The following FKBP15 variants were observed in gnomAD, a reference collection of about 807,000 sequenced individuals.
The protein encoded by FKBP15 is FK506-binding protein 15.
In FKBP15, 106 loss-of-function variants were observed where a neutral mutation model predicts 158.1. The ratio of observed to expected loss-of-function variants is 0.67; its 90% CI spans 0.57 to 0.79. The LOEUF is 0.79. FKBP15 is among the 30% of genes least tolerant of loss of function. The pLI, the probability that FKBP15 is intolerant of heterozygous loss-of-function variation, is 0.00. For synonymous variants in FKBP15, 547 were observed against 548.6 expected, an observed-to-expected ratio of 1.00 and a Z score of 0.04; for missense variants, 1,287 against 1,479.1, an observed-to-expected ratio of 0.87 and a Z score of 2.13.
chr9:113,165,786 G>A lies in FKBP15; in HGVS notation c.*292C>T, dbSNP rs1830088540. On this transcript the variant is annotated 3_prime_UTR_variant, in exon 28 of 28. Coordinates refer to ENST00000238256, the MANE Select transcript of FKBP15 (RefSeq NM_015258.2). ...AGTTAATGAAGAGATTAAAAAGTCTGGCAGAGGACAGGACTCTTACAGGTG... is the reference window on the plus strand; with the variant it reads ...AGTTAATGAAGAGATTAAAAAGTCTAGCAGAGGACAGGACTCTTACAGGTG... The A allele has an allele frequency of 9.7e-6, 3 of 308,102 alleles. No individual in the cohort carries two copies. In the East Asian group the frequency reaches 1.9e-4, roughly 20 times the overall value. 19.1% of individuals were successfully genotyped at this position (308,102 alleles called of 1,614,324 possible).
intron 1 of FKBP15, among the ~76,000 whole-genome samples, chr9:113,216,433 T>C (rs1227066281): frequency 1.3e-5 from 2 of 152,234 alleles, no homozygotes; most frequent in East Asian, 3.8e-4. Flanking sequence ...CAGAAATGCC[T>C]ACTGTAAAGG....
chr9:113,185,418 C>T (rs1031251039), intron 15 of FKBP15, among the ~76,000 whole-genome samples: 3 of 152,104 alleles, frequency 2.0e-5, no homozygotes, highest in Non-Finnish European at 4.4e-5. Flanking sequence ...GATGAAAAAG[C>T]GTATCCCAGA....
chr9:113,193,617 G>A, intron 10 of FKBP15, 68 bp from the exon 11 acceptor site: 1 of 1,294,286 alleles, frequency 7.7e-7, no homozygotes, highest in Non-Finnish European at 1.1e-6. Context: ...AAATTATATT[G>A]GATAAGCAAA....
At position 113,184,483 on chromosome 9, in the gene FKBP15, AG is replaced by A; in HGVS notation, c.1609-85del. 1 of 1,172,818 alleles carries A rather than the reference AG, an allele frequency of 8.5e-7. No individual in the cohort carries two copies. Among genetic ancestry groups the A allele is most frequent in the East Asian group, 2.5e-5 (1 of 39,252 alleles). 72.7% of individuals were successfully genotyped at this position (1,172,818 alleles called of 1,614,324 possible). ...TACCCAAGATTTGACCCTGTTGTTA[AG>A]GGGGTTAATGAGTTCCTGGGACAAT... is the stretch of plus-strand genomic sequence containing the variant. On this transcript the variant is annotated intron_variant, in intron 16 of 27. Coordinates refer to ENST00000238256, the MANE Select transcript of FKBP15 (RefSeq NM_015258.2). The surrounding 1 kb of genome is among the most constrained non-coding windows in gnomAD (Gnocchi z 4.5).
At chr9:113,217,400 C>T (rs570618744) in intron 1 of FKBP15, among the ~76,000 whole-genome samples, 5 of 149,986 alleles carry the variant, frequency 3.3e-5, no homozygotes, top group Admixed American at 6.7e-5. Flanking sequence ...TTTGTAGAGA[C>T]GGGGTTTCAT....
At chr9:113,218,229 G>A (rs578115191) in intron 1 of FKBP15, among the ~76,000 whole-genome samples, 79 of 151,978 alleles carry the variant, frequency 5.2e-4, no homozygotes, top group Non-Finnish European at 9.1e-4. Context: ...ACATAGGCAG[G>A]TCTGGTAGAA....
intron 1 of FKBP15, among the ~76,000 whole-genome samples, chr9:113,215,598 ATG>A (rs1264875262): frequency 7.3e-6 from 1 of 136,320 alleles, no homozygotes; most frequent in African/African-American, 2.7e-5. Context: ...GTGAATATAT[ATG>A]TGTGCGTGTG....
At chr9:113,217,831 A>G (rs1480135727) in intron 1 of FKBP15, among the ~76,000 whole-genome samples, 1 of 151,970 alleles carries the variant, frequency 6.6e-6, no homozygotes, top group Non-Finnish European at 1.5e-5. Flanking sequence ...ACAGAGAAAA[A>G]CCCTGTCTCA....
intron 1 of FKBP15, among the ~76,000 whole-genome samples, chr9:113,219,505 C>T (rs1158670988): frequency 3.3e-5 from 5 of 152,128 alleles, no homozygotes; most frequent in Non-Finnish European, 7.4e-5. Context: ...CTGTGGGGAA[C>T]AAAAATAAAC....
At chr9:113,180,443 C>T (rs530629050) in intron 19 of FKBP15, among the ~76,000 whole-genome samples, 16 of 148,034 alleles carry the variant, frequency 1.1e-4, no homozygotes, top group South Asian at 2.1e-4. Flanking sequence ...TATAGGTGTA[C>T]TTATAATTTT....
At chr9:113,190,635 C>G in intron 11 of FKBP15, 57 bp from the exon 12 acceptor site, 1 of 1,296,680 alleles carries the variant, frequency 7.7e-7, no homozygotes, top group Non-Finnish European at 1.1e-6. Context: ...CACCTTCAGG[C>G]AGCTCTATCC....
intron 20 of FKBP15, among the ~76,000 whole-genome samples, chr9:113,177,994 T>A (rs191945193): frequency 1.7e-3 from 265 of 152,238 alleles, no homozygotes; most frequent in Non-Finnish European, 3.3e-3. Flanking sequence ...GATTTTTTTT[T>A]AAAGAGATCA....
In FKBP15 at chr9:113,202,613, T is replaced by C. The variant is rs1167007916; in HGVS notation, c.416A>G (p.Tyr139Cys). The part of the protein sequence containing the change: ...NFELMVRPNN[Y>C]STFYDDQRQN... ...TCTCTGGTCATCATAAAAGGTGCTA[T>C]AGTTATTGGGCCGAACCTGGAGAAA... is the stretch of plus-strand genomic sequence containing the variant. The change falls in exon 6 of 28, where the codon TAT (tyrosine) becomes TGT (cysteine). Residue 139 changes from tyrosine (Y) to cysteine (C), a missense_variant. By Grantham distance (194) the Tyr-to-Cys change is radical. Transcript: ENST00000238256. 6.4e-7 allele frequency: 1 copy of C among 1,572,150 alleles called. No homozygotes were observed. The highest frequency in any genetic ancestry group is 2.3e-5 in the East Asian group (1 of 43,194).
rs767075445 is a variant in FKBP15, at chr9:113,182,756, GTTGCT to G, written c.1914+5_1914+9del. On this transcript the variant is annotated splice_donor_5th_base_variant and intron_variant, in intron 19 of 27. Transcript: ENST00000238256. ...CCTGACCTGGGCTTTTCTCTCCCCA[GTTGCT>G]TTACCTTCTCTTGTTCAGCATGCAA... 3 of 1,611,014 alleles carry G rather than the reference GTTGCT, an allele frequency of 1.9e-6. No homozygotes were observed. The highest frequency in any genetic ancestry group is 1.7e-5 in the Admixed American group (1 of 60,014).
At chr9:113,176,804 A>C in intron 20 of FKBP15, 131 bp from the exon 21 acceptor site, 3 of 980,426 alleles carry the variant, frequency 3.1e-6, no homozygotes, top group Non-Finnish European at 2.9e-6. Context: ...GCTGGAGTGC[A>C]GTGGTGTGAT....
chr9:113,192,045 A>AG (rs1022616580), intron 11 of FKBP15, among the ~76,000 whole-genome samples: 1 of 151,890 alleles, frequency 6.6e-6, no homozygotes, highest in African/African-American at 2.4e-5. Context: ...TAAAAAAAAA[A>AG]AGAGAAGAAA....
intron 7 of FKBP15, 146 bp downstream of exon 7, chr9:113,199,668 C>G: frequency 1.2e-6 from 1 of 801,196 alleles, no homozygotes; most frequent in Non-Finnish European, 1.9e-6. Flanking sequence ...ATAATATGCC[C>G]CCAAAGCAAT....
intron 23 of FKBP15, among the ~76,000 whole-genome samples, chr9:113,172,465 A>G (rs1016663606): frequency 3.9e-5 from 6 of 152,136 alleles, no homozygotes; most frequent in Non-Finnish European, 8.8e-5. Flanking sequence ...ACTCCCACCA[A>G]CAGTGTAAAA....
intron 27 of FKBP15, 49 bp downstream of exon 27, chr9:113,168,411 G>A: frequency 6.7e-7 from 1 of 1,497,442 alleles, no homozygotes; most frequent in South Asian, 1.1e-5. Context: ...GTAGGGAAGA[G>A]CCCCCAGGTG....
Sources: allele counts gnomAD v4.1 joint callset (sites outside exome capture counted in the v4.1 genomes callset), GRCh38; gene constraint gnomAD v4.1.1; non-coding constraint Gnocchi (gnomAD v3.1); transcripts MANE v1.5; gene names NCBI Gene and HGNC (gene_info 2026-07-23, HGNC 2026-07-21).